CDH4: variants seen among roughly 807,000 people sequenced by gnomAD.
CDH4 encodes the protein cadherin-4.
A neutral mutation model predicts 86.0 loss-of-function variants in CDH4; 33 were observed. The ratio of observed to expected loss-of-function variants is 0.38; its 90% CI spans 0.29 to 0.51. The LOEUF is 0.51. Ranked by LOEUF, CDH4 falls within the 20% of genes least tolerant of loss-of-function variation. CDH4 has a pLI of 0.86. For missense variants in CDH4, 1,114 were observed against 1,307.4 expected (o/e 0.85, Z 2.28); for synonymous variants, 555 against 549.4 (o/e 1.01, Z -0.14).
At chr20:61,260,753 G>A (rs1353851896) in intron 2 of CDH4, among the ~76,000 whole-genome samples, 1 of 152,226 alleles carries the variant, frequency 6.6e-6, no homozygotes, top group African/African-American at 2.4e-5. Context: ...ATCTCTGGGG[G>A]TGGTCCTTGC....
At chr20:61,858,240 TGTCTGTGTGTCTGC>T (rs1227598308) in intron 6 of CDH4, among the ~76,000 whole-genome samples, 8 of 151,716 alleles carry the variant, frequency 5.3e-5, no homozygotes, top group African/African-American at 1.5e-4. Context: ...TGTGTGTCTG[TGTCTGTGTGTCTGC>T]GTCTGTGTGT....
At chr20:61,448,167 T>C (rs1366539788) in intron 2 of CDH4, among the ~76,000 whole-genome samples, 1 of 152,262 alleles carries the variant, frequency 6.6e-6, no homozygotes, top group African/African-American at 2.4e-5. Context: ...CCATGCTGGC[T>C]GGAAGCCAGT....
At chr20:61,294,113 G>A (rs926720138) in intron 2 of CDH4, among the ~76,000 whole-genome samples, 1 of 152,172 alleles carries the variant, frequency 6.6e-6, no homozygotes, top group African/African-American at 2.4e-5. Context: ...GAGAACCCAC[G>A]TCCTCATGGG....
chr20:61,819,647 G>A (rs1335573979), intron 4 of CDH4, among the ~76,000 whole-genome samples: 2 of 152,188 alleles, frequency 1.3e-5, no homozygotes, highest in Non-Finnish European at 2.9e-5. Context: ...AGCCTTGTGG[G>A]TTTTCTCCCC....
chr20:61,613,088 G>A (rs2086697573), intron 2 of CDH4, among the ~76,000 whole-genome samples: 1 of 152,090 alleles, frequency 6.6e-6, no homozygotes, highest in South Asian at 2.1e-4. Context: ...CCCCTGCCGA[G>A]AGCGGTGTTT....
chr20:61,405,530 A>G (rs1339130651), intron 2 of CDH4, among the ~76,000 whole-genome samples: 1 of 152,070 alleles, frequency 6.6e-6, no homozygotes, highest in East Asian at 1.9e-4. Flanking sequence ...TGTTCTTACT[A>G]TTAGACGAGT....
rs1600940412 is a variant in CDH4 at position 61,398,633 on chromosome 20, C to T, written c.169+143696C>T. Among the ~76,000 whole-genome samples the T allele has an allele frequency of 2.0e-5, 3 of 150,952 alleles. No individual in the cohort carries two copies. The South Asian group carries it at 6.4e-4, about 32-fold the overall frequency. ...GCCTCAACTGATTGGACAAGGCGCA[C>T]CCACACCATGGAGTTTCATCCACCT... On this transcript the variant is annotated intron_variant, in intron 2 of 15. Coordinates refer to ENST00000614565, the MANE Select transcript of CDH4 (RefSeq NM_001794.5).
At chr20:61,481,911 A>G (rs549310968) in intron 2 of CDH4, among the ~76,000 whole-genome samples, 16 of 152,328 alleles carry the variant, frequency 1.1e-4, no homozygotes, top group African/African-American at 3.6e-4. Flanking sequence ...TCAGTTCCAT[A>G]CATATCGATG....
chr20:61,296,401 AT>A (rs767841742), intron 2 of CDH4, among the ~76,000 whole-genome samples: 2 of 151,834 alleles, frequency 1.3e-5, no homozygotes, highest in Non-Finnish European at 2.9e-5. Context: ...GCCACGGGCC[AT>A]GCTTGCACAG....
chr20:61,595,537 T>G lies in CDH4; in HGVS notation c.170-148026T>G, dbSNP rs2086551239. ...ACCCCGTGGGGCCCTCCCTTTTGTG[T>G]CCCCTGGAACAAACAATAAGAACTG... On this transcript the variant is annotated intron_variant, in intron 2 of 15. Coordinates refer to ENST00000614565, the MANE Select transcript of CDH4 (RefSeq NM_001794.5). Among the ~76,000 whole-genome samples, 4 of 151,760 alleles carry G rather than the reference T, an allele frequency of 2.6e-5. No homozygotes were observed. The South Asian group carries it at 8.3e-4, about 32-fold the overall frequency.
At chr20:61,901,241 A>G (rs1985392557) in intron 8 of CDH4, among the ~76,000 whole-genome samples, 2 of 141,694 alleles carry the variant, frequency 1.4e-5, no homozygotes, top group African/African-American at 5.1e-5. Context: ...GGGCAGGGGC[A>G]GGGGCAGGGG....
intron 2 of CDH4, among the ~76,000 whole-genome samples, chr20:61,614,533 C>A (rs1216054024): frequency 6.6e-6 from 1 of 152,012 alleles, no homozygotes; most frequent in African/African-American, 2.4e-5. Flanking sequence ...GTGGGACTGG[C>A]CTGCAGTGGG....
intron 2 of CDH4, among the ~76,000 whole-genome samples, chr20:61,459,466 G>T (rs556109105): frequency 2.2e-4 from 32 of 146,694 alleles, no homozygotes; most frequent in African/African-American, 8.0e-4. Context: ...AGCCAGGGGT[G>T]CCTGCGCCCC....
rs1343758866 is a variant in CDH4, at chr20:61,754,785, A to T, written c.396+10996A>T. The stretch of plus-strand genomic sequence containing the variant: ...AGTGCATGCCACACACACCACACAC[A>T]CACTGCACGCCACACACACCACACA... On this transcript the variant is annotated intron_variant, in intron 3 of 15. Coordinates refer to ENST00000614565, the MANE Select transcript of CDH4 (RefSeq NM_001794.5). This position sits in a 1 kb window ranked among gnomAD's most constrained non-coding sequence, Gnocchi z 4.7. Among the ~76,000 whole-genome samples the T allele has an allele frequency of 8.1e-6, 1 of 123,636 alleles. No individual in the cohort carries two copies. Among genetic ancestry groups the T allele is most frequent in the African/African-American group, 3.4e-5 (1 of 29,712 alleles). 81.1% of individuals were successfully genotyped at this position (123,636 alleles called of 152,430 possible).
At position 61,807,015 on chromosome 20, in the gene CDH4, A is replaced by G. The variant is rs1601008515; in HGVS notation, c.576+33833A>G. ...GACAGGGGATCTTTTTTTAACTACT[A>G]CAAAGCCCTCTAATAATGGGTTGCT... On this transcript the variant is annotated intron_variant, in intron 4 of 15. Coordinates refer to ENST00000614565, the MANE Select transcript of CDH4 (RefSeq NM_001794.5). This position sits in a 1 kb window ranked among gnomAD's most constrained non-coding sequence, Gnocchi z 4.5. Among the ~76,000 whole-genome samples the G allele has an allele frequency of 6.6e-6, 1 of 152,172 alleles. No individual in the cohort carries two copies. Among genetic ancestry groups the G allele is most frequent in the Non-Finnish European group, 1.5e-5 (1 of 68,026 alleles).
chr20:61,928,136 T>C (rs2055064899), intron 11 of CDH4, 54 bp from the exon 12 acceptor site: 1 of 1,350,226 alleles, frequency 7.4e-7, no homozygotes, highest in Non-Finnish European at 1.0e-6. Context: ...GAGCTGTGGG[T>C]TGGTCATGGA....
intron 2 of CDH4, among the ~76,000 whole-genome samples, chr20:61,290,814 G>A (rs936375464): frequency 8.5e-5 from 13 of 152,316 alleles, no homozygotes; most frequent in African/African-American, 2.9e-4. Flanking sequence ...AACTGTTACA[G>A]AAAGGAGCCT....
chr20:61,616,860 C>T (rs890617414), intron 2 of CDH4, among the ~76,000 whole-genome samples: 1 of 152,190 alleles, frequency 6.6e-6, no homozygotes, highest in Non-Finnish European at 1.5e-5. Flanking sequence ...GCACGTAGAC[C>T]TGGTCAGGGT....
chr20:61,442,172 G>T (rs1160012941), intron 2 of CDH4, among the ~76,000 whole-genome samples: 2 of 152,108 alleles, frequency 1.3e-5, no homozygotes, highest in African/African-American at 2.4e-5. Context: ...GCACATAAGC[G>T]AGGATGTATT....
Sources: allele counts gnomAD v4.1 joint callset (sites outside exome capture counted in the v4.1 genomes callset), GRCh38; gene constraint gnomAD v4.1.1; non-coding constraint Gnocchi (gnomAD v3.1); transcripts MANE v1.5; gene names NCBI Gene and HGNC (gene_info 2026-07-23, HGNC 2026-07-21).